The following NELL1 variants were observed in gnomAD, a reference collection of about 807,000 sequenced individuals.
NELL1 encodes the protein protein kinase C-binding protein NELL1.
In NELL1, 76 loss-of-function variants were observed where a neutral mutation model predicts 107.4. That is an observed-to-expected ratio of 0.71 (90% confidence interval 0.59 to 0.86). NELL1 has a LOEUF of 0.86. NELL1 is among the 40% of genes least tolerant of loss of function. The pLI is 0.00. For missense variants in NELL1, 1,024 were observed against 1,005.5 expected, an observed-to-expected ratio of 1.02 and a Z score of -0.25; for synonymous variants, 353 against 341.2, an observed-to-expected ratio of 1.03 and a Z score of -0.38.
chr11:20,716,762 T>G (rs1855259885), intron 2 of NELL1, among the ~76,000 whole-genome samples: 1 of 152,230 alleles, frequency 6.6e-6, no homozygotes, highest in Non-Finnish European at 1.5e-5. Flanking sequence ...TTTTTACCAT[T>G]TGTAAATAGA....
At chr11:21,070,017 G>A (rs1351441489) in intron 12 of NELL1, among the ~76,000 whole-genome samples, 1 of 152,124 alleles carries the variant, frequency 6.6e-6, no homozygotes, top group Non-Finnish European at 1.5e-5. Flanking sequence ...ATGCTGTCAG[G>A]AACCATGTGA....
At chr11:21,487,285 G>C (rs1221134544) in intron 15 of NELL1, among the ~76,000 whole-genome samples, 4 of 152,148 alleles carry the variant, frequency 2.6e-5, no homozygotes, top group Non-Finnish European at 5.9e-5. Flanking sequence ...GCACAATGCA[G>C]GAGAGAATGA....
intron 12 of NELL1, among the ~76,000 whole-genome samples, chr11:20,970,790 A>AT (rs35911234): frequency 1.7e-4 from 26 of 149,740 alleles, no homozygotes; most frequent in East Asian, 5.9e-4. Flanking sequence ...AGAAGTCTAA[A>AT]TTTTTTTTTT....
intron 11 of NELL1, among the ~76,000 whole-genome samples, chr11:20,954,890 AG>A (rs1404340837): frequency 2.0e-5 from 3 of 152,186 alleles, no homozygotes; most frequent in African/African-American, 7.2e-5. Flanking sequence ...CACTGTTTGA[AG>A]GGCTTTGTTC....
intron 2 of NELL1, among the ~76,000 whole-genome samples, chr11:20,701,316 A>C (rs1238183312): frequency 2.0e-5 from 3 of 152,076 alleles, no homozygotes; most frequent in Admixed American, 2.0e-4. Flanking sequence ...TCTTTTGAGA[A>C]GTGTCTGTTC....
intron 2 of NELL1, among the ~76,000 whole-genome samples, chr11:20,687,987 C>T (rs755262291): frequency 5.9e-5 from 9 of 151,992 alleles, no homozygotes; most frequent in Non-Finnish European, 1.3e-4. Context: ...ATAATTGAAT[C>T]CCTATAATGC....
At chr11:20,680,034 G>A (rs1222406619) in intron 2 of NELL1, among the ~76,000 whole-genome samples, 1 of 152,082 alleles carries the variant, frequency 6.6e-6, no homozygotes, top group Admixed American at 6.6e-5. Context: ...GGGATTTTCA[G>A]CTTCTTTGGT....
In NELL1 at chr11:21,522,173, G is replaced by T. The variant is rs867160698; in HGVS notation, c.1646-12201G>T. Among the ~76,000 whole-genome samples the T allele has an allele frequency of 3.0e-4, 45 of 151,570 alleles. 1 individual carries two copies. In the Middle Eastern group the frequency reaches 0.017, roughly 57 times the overall value. On this transcript the variant is annotated intron_variant, in intron 15 of 19. Transcript: ENST00000357134. ...GGCATGAACCCGGGAGGCGGAGCTT[G>T]CAGTGAGCCAAGATGGTGCCACTGC...
In NELL1 at chr11:21,331,437, C is replaced by T. The variant is rs748842447; in HGVS notation, c.1550-39416C>T. ...ATTTAGTGACACTGGCAGTGTAAAG[C>T]AGTGTAAAGCCTCTGATGTTGTTCC... On this transcript the variant is annotated intron_variant, in intron 14 of 19. Coordinates refer to ENST00000357134, the MANE Select transcript of NELL1 (RefSeq NM_006157.5). Among the ~76,000 whole-genome samples, 6 of 151,944 alleles carry T rather than the reference C, an allele frequency of 3.9e-5. No homozygotes were observed. In the South Asian group the frequency reaches 1.2e-3, roughly 32 times the overall value.
chr11:20,941,500 A>T (rs906924756), intron 10 of NELL1, among the ~76,000 whole-genome samples: 1 of 152,140 alleles, frequency 6.6e-6, no homozygotes, highest in Admixed American at 6.5e-5. Flanking sequence ...GTTGGAGAAC[A>T]TAACTTGAGA....
chr11:20,812,855 A>C (rs1047402815), intron 3 of NELL1, among the ~76,000 whole-genome samples: 11 of 150,938 alleles, frequency 7.3e-5, no homozygotes, highest in African/African-American at 2.7e-4. Flanking sequence ...AAAAATACAA[A>C]AAATTAGCCG....
intron 13 of NELL1, among the ~76,000 whole-genome samples, chr11:21,132,791 T>A (rs184294424): frequency 6.7e-6 from 1 of 149,320 alleles, no homozygotes; most frequent in African/African-American, 2.5e-5. Flanking sequence ...GGGAGGGGAG[T>A]GTTAGAGGGG....
At chr11:20,938,153 GA>G (rs1850767647) in intron 10 of NELL1, among the ~76,000 whole-genome samples, 1 of 152,136 alleles carries the variant, frequency 6.6e-6, no homozygotes, top group South Asian at 2.1e-4. Context: ...GTGGCCCTGC[GA>G]AAGGGTTTTG....
chr11:20,872,581 A>G (rs1217981185), intron 4 of NELL1, among the ~76,000 whole-genome samples: 1 of 152,116 alleles, frequency 6.6e-6, no homozygotes, highest in Admixed American at 6.6e-5. Context: ...GGAATTGCCA[A>G]GAGACCTTTG....
At chr11:20,827,616 A>T (rs1857912573) in intron 3 of NELL1, among the ~76,000 whole-genome samples, 1 of 151,020 alleles carries the variant, frequency 6.6e-6, no homozygotes. Context: ...TGCATGTAGG[A>T]GGTTTAGGGT....
intron 15 of NELL1, among the ~76,000 whole-genome samples, chr11:21,380,949 T>C (rs2133768227): frequency 6.6e-6 from 1 of 152,154 alleles, no homozygotes; most frequent in South Asian, 2.1e-4. Context: ...ATACATCTAT[T>C]GTAAGCCCCA....
intron 13 of NELL1, among the ~76,000 whole-genome samples, chr11:21,225,321 C>G (rs1454595171): frequency 6.6e-6 from 1 of 152,126 alleles, no homozygotes; most frequent in South Asian, 2.1e-4. Context: ...CCAAATGCTC[C>G]CTATGCTGGG....
chr11:21,204,061 C>A (rs573806371), intron 13 of NELL1, among the ~76,000 whole-genome samples: 96 of 152,236 alleles, frequency 6.3e-4, no homozygotes, highest in Non-Finnish European at 1.2e-3. Flanking sequence ...TTCATTTCAT[C>A]CTTGGTGAAT....
intron 3 of NELL1, among the ~76,000 whole-genome samples, chr11:20,845,406 C>T (rs1177297191): frequency 6.6e-6 from 1 of 152,134 alleles, no homozygotes; most frequent in African/African-American, 2.4e-5. Flanking sequence ...TTGCCTCCCT[C>T]TTTAATGATT....
Sources: allele counts gnomAD v4.1 joint callset (sites outside exome capture counted in the v4.1 genomes callset), GRCh38; gene constraint gnomAD v4.1.1; transcripts MANE v1.5; gene names NCBI Gene and HGNC (gene_info 2026-07-23, HGNC 2026-07-21).